The following PKP4 variants were observed in gnomAD, a reference collection of about 807,000 sequenced individuals.
PKP4 encodes the protein plakophilin 4.
PKP4 carries 90 observed loss-of-function variants against 145.1 expected under a neutral mutation model. The observed-to-expected ratio is 0.62, with a 90% CI of 0.52 to 0.74. The LOEUF (loss-of-function observed/expected upper bound fraction) is 0.74. Ranked by LOEUF, PKP4 falls within the 30% of genes least tolerant of loss-of-function variation. The pLI is 0.00. For missense variants in PKP4, 1,340 were observed against 1,482.7 expected (o/e 0.90, Z 1.58); for synonymous variants, 563 against 577.2 (o/e 0.98, Z 0.35).
chr2:158,675,293 T>G (rs774681523), intron 19 of PKP4, among the ~76,000 whole-genome samples: 8 of 151,526 alleles, frequency 5.3e-5, no homozygotes, highest in Non-Finnish European at 1.0e-4. Context: ...GTAAATTTTC[T>G]TAAAACATTA....
At chr2:158,547,783 ACT>A (rs1309141474) in intron 2 of PKP4, among the ~76,000 whole-genome samples, 1 of 152,218 alleles carries the variant, frequency 6.6e-6, no homozygotes, top group Non-Finnish European at 1.5e-5. Flanking sequence ...TTGGATAGAC[ACT>A]GTTTTACAAA....
intron 1 of PKP4, among the ~76,000 whole-genome samples, chr2:158,482,359 G>A (rs1284504448): frequency 6.6e-6 from 1 of 152,056 alleles, no homozygotes; most frequent in Non-Finnish European, 1.5e-5. Context: ...ATGTTGCCCA[G>A]GCTGGACTCA....
At chr2:158,569,073 C>T (rs1574531870) in intron 2 of PKP4, among the ~76,000 whole-genome samples, 1 of 152,246 alleles carries the variant, frequency 6.6e-6, no homozygotes, top group African/African-American at 2.4e-5. Context: ...AAGTAAAAAG[C>T]TTTTCTTGTG....
intron 21 of PKP4, among the ~76,000 whole-genome samples, chr2:158,679,907 A>C (rs2058322973): frequency 6.6e-6 from 1 of 152,252 alleles, no homozygotes; most frequent in African/African-American, 2.4e-5. Flanking sequence ...AGCCACATAC[A>C]TCTTTTAAAA....
intron 19 of PKP4, among the ~76,000 whole-genome samples, chr2:158,676,094 C>A (rs2057984713): frequency 6.6e-6 from 1 of 152,138 alleles, no homozygotes; most frequent in African/African-American, 2.4e-5. Flanking sequence ...GTCCTCTGGG[C>A]CTTTCTGAGG....
chr2:158,572,298 T>A (rs148197199), intron 2 of PKP4, among the ~76,000 whole-genome samples: 1 of 152,194 alleles, frequency 6.6e-6, no homozygotes, highest in Non-Finnish European at 1.5e-5. Flanking sequence ...ATGAAAGCGC[T>A]ATACTGTAGA....
chr2:158,623,821 C>G (rs544700939), intron 6 of PKP4, among the ~76,000 whole-genome samples: 12 of 152,198 alleles, frequency 7.9e-5, no homozygotes, highest in Non-Finnish European at 1.5e-4. Context: ...AACAGAGCAG[C>G]CTGGTCCTAG....
At chr2:158,538,592 T>C (rs1429199501) in intron 2 of PKP4, among the ~76,000 whole-genome samples, 1 of 146,492 alleles carries the variant, frequency 6.8e-6, no homozygotes, top group Non-Finnish European at 1.5e-5. Context: ...CAGGCTGGAG[T>C]GCAGTGGTGC....
At chr2:158,578,239 G>A (rs1574584613) in intron 3 of PKP4, 1 of 222,048 alleles carries the variant, frequency 4.5e-6, no homozygotes, top group Non-Finnish European at 9.9e-6. Flanking sequence ...CTGATTGTTG[G>A]TATGAACATT....
intron 1 of PKP4, among the ~76,000 whole-genome samples, chr2:158,523,927 A>G (rs1044229997): frequency 2.4e-5 from 3 of 124,034 alleles, no homozygotes; most frequent in African/African-American, 1.0e-4. Flanking sequence ...AGGGAAGTTT[A>G]GAGAAAAAAG....
At chr2:158,551,134 A>G (rs186189253) in intron 2 of PKP4, among the ~76,000 whole-genome samples, 14 of 152,324 alleles carry the variant, frequency 9.2e-5, no homozygotes, top group African/African-American at 3.4e-4. Flanking sequence ...TTTTAGGCTT[A>G]CGTGGAAAAG....
At chr2:158,472,355 A>G (rs1189276222) in intron 1 of PKP4, among the ~76,000 whole-genome samples, 1 of 152,180 alleles carries the variant, frequency 6.6e-6, no homozygotes, top group Non-Finnish European at 1.5e-5. Flanking sequence ...CACGCCTGTA[A>G]TCCCAACACT....
Position 158,631,759 on chromosome 2 carries a change from G to A in PKP4, c.1160G>A (p.Arg387Gln), listed in dbSNP as rs370930763. 8.1e-6 allele frequency: 13 copies of A among 1,613,634 alleles called. No homozygotes were observed. The highest frequency in any genetic ancestry group is 4.5e-5 in the East Asian group (2 of 44,888). The stretch of plus-strand genomic sequence containing the variant: ...GTAATTTTTGTGCCTCTAGGCTTAC[G>A]GAGTTCCTATGCTAGTCAGCATAGT... ...PPRPDSLTGL[R>Q]SSYASQHSQL... Residue 387 changes from arginine (R) to glutamine (Q), a missense_variant, in exon 8 of 22, where the codon CGG (arginine) becomes CAG (glutamine). Physicochemically the swap from Arg to Gln is conservative, Grantham distance 43 (BLOSUM62 1). Transcript: ENST00000389759.
rs561542139 is a variant in PKP4, at chr2:158,661,246, C to T, written c.2094-87C>T. The T allele has an allele frequency of 1.6e-5, 15 of 948,582 alleles. No homozygotes were observed. The African/African-American group carries it at 1.8e-4, about 11-fold the overall frequency. 58.8% of individuals were successfully genotyped at this position (948,582 alleles called of 1,614,324 possible). On this transcript the variant is annotated intron_variant, in intron 12 of 21. Coordinates refer to ENST00000389759, the MANE Select transcript of PKP4 (RefSeq NM_003628.6). ...CTCTAAGTGGCTGCCACCTGTTGTT[C>T]GCTCTCTCAGATCCTTAAGGTTAAG...
At chr2:158,491,900 G>A (rs1990814) in intron 1 of PKP4, among the ~76,000 whole-genome samples, 101,895 of 151,984 alleles carry the variant, frequency 0.67, 34,509 homozygotes, top group East Asian at 0.89. Context: ...GGCTCAAGCA[G>A]CCCCTCATGT....
chr2:158,543,959 C>T (rs886560430), intron 2 of PKP4, among the ~76,000 whole-genome samples: 3 of 152,070 alleles, frequency 2.0e-5, no homozygotes, highest in African/African-American at 7.2e-5. Flanking sequence ...CATCACTTTG[C>T]GGTTCAGGAA....
At chr2:158,640,445 AGCATCTGG>A (rs2054180190) in intron 9 of PKP4, among the ~76,000 whole-genome samples, 174 bp from the exon 10 acceptor site, 1 of 152,228 alleles carries the variant, frequency 6.6e-6, no homozygotes, top group African/African-American at 2.4e-5. Flanking sequence ...TAAGATCATA[AGCATCTGG>A]GCCTCTGCAT....
At chr2:158,522,223 T>A (rs2105569948) in intron 1 of PKP4, among the ~76,000 whole-genome samples, 1 of 152,312 alleles carries the variant, frequency 6.6e-6, no homozygotes, top group Non-Finnish European at 1.5e-5. Flanking sequence ...AGTATTTAGT[T>A]GATTTGCCAT....
intron 1 of PKP4, among the ~76,000 whole-genome samples, chr2:158,470,460 T>C (rs1176761741): frequency 6.6e-6 from 1 of 152,150 alleles, no homozygotes; most frequent in Non-Finnish European, 1.5e-5. Flanking sequence ...TTCAAATAGA[T>C]ACTGTAATAG....
Sources: gnomAD v4.1 joint callset for allele counts (sites outside exome capture counted in the v4.1 genomes callset) on GRCh38, gnomAD v4.1.1 for gene constraint, MANE v1.5 for transcripts, NCBI Gene and HGNC (gene_info 2026-07-23, HGNC 2026-07-21) for gene names.